GSTA1: variants seen among roughly 807,000 people sequenced by gnomAD.
GSTA1 encodes the protein glutathione S-transferase alpha 1, also known as glutathione S-transferase A1.
In GSTA1, 23 loss-of-function variants were observed where a neutral mutation model predicts 21.5. The ratio of observed to expected loss-of-function variants is 1.07; its 90% CI spans 0.77 to 1.52. The LOEUF is 1.52. Ranked by LOEUF, GSTA1 falls within the 40% of genes most tolerant of loss-of-function variation. The pLI, the probability that GSTA1 is intolerant of heterozygous loss-of-function variation, is 0.00. For synonymous variants in GSTA1, 125 were observed against 90.0 expected (o/e 1.39, Z -2.20); for missense variants, 301 against 264.2 (o/e 1.14, Z -0.96).
chr6:52,798,874 C>T (rs1004403317), intron 2 of GSTA1, among the ~76,000 whole-genome samples: 2 of 152,246 alleles, frequency 1.3e-5, no homozygotes, highest in South Asian at 4.1e-4. Flanking sequence ...TTCATATATT[C>T]AATCGATATT....
At chr6:52,793,577 T>C (rs1763508797) in intron 5 of GSTA1, among the ~76,000 whole-genome samples, 1 of 152,208 alleles carries the variant, frequency 6.6e-6, no homozygotes, top group Admixed American at 6.5e-5. Flanking sequence ...ATCTGCAAGC[T>C]GAAGCGTTTA....
chr6:52,792,930 T>A lies in GSTA1; in HGVS notation c.472A>T (p.Ile158Phe). 1 of 1,614,056 alleles carries A rather than the reference T, an allele frequency of 6.2e-7. No individual in the cohort carries two copies. ...TAGTAGAGAAGTTCCACCAGATGAATGTCAGCCCGGCTCAGCTTGTTGCCA... is the reference window on the plus strand; with the variant it reads ...TAGTAGAGAAGTTCCACCAGATGAAAGTCAGCCCGGCTCAGCTTGTTGCCA... ...LVGNKLSRAD[I>F]HLVELLYYVE... is the part of the protein sequence containing the mutation. Residue 158 changes from isoleucine to phenylalanine, a missense_variant, in exon 6 of 7, where the codon ATT becomes TTT. Physicochemically the swap from Ile to Phe is conservative, Grantham distance 21. Transcript: ENST00000334575.
chr6:52,797,704 C>T (rs1406791946), intron 2 of GSTA1, 67 bp from the exon 3 acceptor site: 6 of 1,329,698 alleles, frequency 4.5e-6, no homozygotes, highest in East Asian at 2.3e-5. Context: ...CCTTGAATGG[C>T]CCCATCTGGT....
At chr6:52,794,015 T>C in intron 5 of GSTA1, 110 bp downstream of exon 5, 1 of 1,362,166 alleles carries the variant, frequency 7.3e-7, no homozygotes, top group Non-Finnish European at 1.0e-6. Flanking sequence ...TGCATTGGTG[T>C]TCAGGAAGTC....
At chr6:52,792,635 G>T in intron 6 of GSTA1, 3 of 1,188,458 alleles carry the variant, frequency 2.5e-6, no homozygotes, top group Non-Finnish European at 1.1e-6. Context: ...ATAATAAAGG[G>T]CAAAATACTC....
At position 52,793,016 on chromosome 6, in the gene GSTA1, A is replaced by T. The variant is rs754558505; in HGVS notation, c.415-29T>A. 2.5e-6 allele frequency: 4 copies of T among 1,613,696 alleles called. No individual in the cohort carries two copies. The East Asian group carries it at 6.7e-5, about 27-fold the overall frequency. ...GAGAATGGGAGGAATCAGATCAGGAACACATGCACACCCAGGCTAGGACCC... is the reference window on the plus strand; with the variant it reads ...GAGAATGGGAGGAATCAGATCAGGATCACATGCACACCCAGGCTAGGACCC... On this transcript the variant is annotated intron_variant, in intron 5 of 6. Transcript: ENST00000334575.
chr6:52,802,493 A>T (rs762900443), intron 1 of GSTA1, among the ~76,000 whole-genome samples: 1 of 152,240 alleles, frequency 6.6e-6, no homozygotes, highest in African/African-American at 2.4e-5. Flanking sequence ...CATAGTAGGA[A>T]CACAGCAATG....
At chr6:52,796,066 G>C (rs968917458) in intron 4 of GSTA1, 116 bp downstream of exon 4, 15 of 1,490,436 alleles carry the variant, frequency 1.0e-5, no homozygotes, top group East Asian at 2.3e-5. Context: ...CAGCGTACAT[G>C]CCCAAGGCCC....
rs1561913625 is a variant in GSTA1, at chr6:52,797,613, C to A, written c.112G>T (p.Ala38Ser). The stretch of plus-strand genomic sequence containing the variant: ...TTTCTTAACTTGTCCAAATCTTCTG[C>A]AGATTTTATAAATTTCTCTTCAAAC... ...VEFEEKFIKSAEDLDKLRNDG... is the reference protein window; with the variant it reads ...VEFEEKFIKSSEDLDKLRNDG... The change falls in exon 3 of 7, where the codon GCA (alanine) becomes TCA (serine). Residue 38 changes from alanine to serine, a missense_variant. Transcript: ENST00000334575. 6.2e-7 allele frequency: 1 copy of A among 1,607,846 alleles called. No homozygotes were observed. Among genetic ancestry groups the A allele is most frequent in the East Asian group, 2.2e-5 (1 of 44,808 alleles).
chr6:52,795,669 G>A (rs1763559307), intron 4 of GSTA1, among the ~76,000 whole-genome samples: 1 of 152,110 alleles, frequency 6.6e-6, no homozygotes. Flanking sequence ...GGTAACCCCA[G>A]CATCCTTGGT....
At chr6:52,796,543 A>ATATTT (rs1300549721) in intron 3 of GSTA1, among the ~76,000 whole-genome samples, 7 of 23,760 alleles carry the variant, frequency 2.9e-4, no homozygotes, top group South Asian at 1.6e-3. Context: ...ATATATATAT[A>ATATTT]TTTTTTTTTT....
Position 52,791,893 on chromosome 6 carries a change from A to T in GSTA1, c.634T>A (p.Ser212Thr), listed in dbSNP as rs777953279. Residue 212 changes from serine (S) to threonine (T), a missense_variant, in exon 7 of 7, where the codon TCT becomes ACT. Coordinates refer to ENST00000334575, the MANE Select transcript of GSTA1 (RefSeq NM_145740.5). ...AAAATCTTCCTTGCTTCTTCTAAAG[A>T]TTTCTCATCCATGGGAGGCTTCCTT... Reference protein sequence around the residue: ...SPRKPPMDEKSLEEARKIFRF With the variant: ...SPRKPPMDEKTLEEARKIFRF 5.0e-6 allele frequency: 8 copies of T among 1,613,838 alleles called. No homozygotes were observed. In the Admixed American group the frequency reaches 1.3e-4, roughly 27 times the overall value.
chr6:52,800,313 T>C (rs1371902369), intron 1 of GSTA1, among the ~76,000 whole-genome samples: 1 of 152,230 alleles, frequency 6.6e-6, no homozygotes, highest in South Asian at 2.1e-4. Flanking sequence ...CTCACTGCTG[T>C]TAAAAACCAA....
Position 52,799,210 on chromosome 6 carries a change from G to A in GSTA1, c.58C>T (p.Arg20Trp), listed in dbSNP as rs762442868. 32 of 1,613,786 alleles carry A rather than the reference G, an allele frequency of 2.0e-5. No individual in the cohort carries two copies. Among genetic ancestry groups the A allele is most frequent in the Non-Finnish European group, 2.3e-5 (27 of 1,179,894 alleles). ...ACTCCAGCTGCAGCCAGGAGCCACC[G>A]GGTGGACTCCATTCTGCCCCGTGCA... The part of the protein sequence containing the change: ...FNARGRMEST[R>W]WLLAAAGVEF... Residue 20 changes from arginine to tryptophan, a missense_variant, in exon 2 of 7, where the codon CGG becomes TGG. Transcript: ENST00000334575.
chr6:52,799,775 T>A (rs747402089), intron 1 of GSTA1, among the ~76,000 whole-genome samples: 6 of 152,190 alleles, frequency 3.9e-5, no homozygotes, highest in Non-Finnish European at 8.8e-5. Context: ...CGGTTGGTGA[T>A]GGACATGAAT....
Position 52,801,883 on chromosome 6 carries a change from T to G in GSTA1, c.-31+1902A>C, listed in dbSNP as rs187090113. On this transcript the variant is annotated intron_variant, in intron 1 of 6. Transcript: ENST00000334575. ...AAAGCACCTGTCTCATGCTGCACACTTGGTGAGTGTTGGGTCAGCCTTAAC... is the reference window on the plus strand; with the variant it reads ...AAAGCACCTGTCTCATGCTGCACACGTGGTGAGTGTTGGGTCAGCCTTAAC... 8.5e-3 allele frequency among the ~76,000 whole-genome samples: 1,288 copies of G among 152,266 alleles called. 7 individuals carry two copies. Among genetic ancestry groups the G allele is most frequent in the South Asian group, 0.02 (97 of 4,822 alleles).
At position 52,791,853 on chromosome 6, in the gene GSTA1, C is replaced by A. The variant is rs373000327; in HGVS notation, c.*5G>T. 1.9e-6 allele frequency: 3 copies of A among 1,613,946 alleles called. No homozygotes were observed. The highest frequency in any genetic ancestry group is 2.5e-6 in the Non-Finnish European group (3 of 1,179,862). ...TGCAAGTTCTTGGCCTCCATGACTG[C>A]GTTATTAAAACCTGAAAATCTTCCT... On this transcript the variant is annotated 3_prime_UTR_variant, in exon 7 of 7. Transcript: ENST00000334575.
At chr6:52,798,799 A>G (rs1443478184) in intron 2 of GSTA1, among the ~76,000 whole-genome samples, 3 of 151,654 alleles carry the variant, frequency 2.0e-5, no homozygotes, top group Non-Finnish European at 4.4e-5. Flanking sequence ...AAACACATTA[A>G]CTATTCTAAA....
intron 4 of GSTA1, among the ~76,000 whole-genome samples, chr6:52,795,549 A>G (rs1763556876): frequency 6.6e-6 from 1 of 152,168 alleles, no homozygotes; most frequent in Non-Finnish European, 1.5e-5. Context: ...CAGCAGTTTC[A>G]TTCAGGATTT....
Sources: allele counts gnomAD v4.1 joint callset (sites outside exome capture counted in the v4.1 genomes callset), GRCh38; gene constraint gnomAD v4.1.1; transcripts MANE v1.5; gene names NCBI Gene and HGNC (gene_info 2026-07-23, HGNC 2026-07-21).